GPRC5C: variants seen among roughly 807,000 people sequenced by gnomAD.
GPRC5C encodes G protein-coupled receptor class C group 5 member C.
Under a neutral mutation model 31.4 loss-of-function variants are expected in GPRC5C, and 22 were observed. That is an observed-to-expected ratio of 0.70 (90% CI 0.50 to 1.00). The LOEUF is 1.00. Among genes scored for constraint, GPRC5C ranks in the 50% least tolerant of loss-of-function variants. The pLI is 0.00. For synonymous variants in GPRC5C, 249 were observed against 257.5 expected (o/e 0.97, Z 0.32); for missense variants, 557 against 597.2 (o/e 0.93, Z 0.70).
rs1405524878 is a variant in GPRC5C, at chr17:74,440,425, A to G, written c.649A>G (p.Met217Val). 1.2e-6 allele frequency: 2 copies of G among 1,613,102 alleles called. No homozygotes were observed. The highest frequency in any genetic ancestry group is 2.7e-5 in the African/African-American group (2 of 74,892). ...MDFVMALIYV[M>V]LLLLGAFLGA... The stretch of plus-strand genomic sequence containing the variant: ...CTTTGTCATGGCACTCATCTACGTC[A>G]TGCTGCTGCTGCTGGGTGCCTTCCT... Residue 217 changes from methionine to valine, a missense_variant, in exon 2 of 4, where the codon ATG becomes GTG. Transcript: ENST00000392627. This position sits in a 1 kb window ranked among gnomAD's most constrained non-coding sequence, Gnocchi z 4.4.
At position 74,432,115 on chromosome 17, in the gene GPRC5C, G is replaced by C. The variant is rs918824707; in HGVS notation, c.-59G>C. 13 of 1,613,314 alleles carry C rather than the reference G, an allele frequency of 8.1e-6. No individual in the cohort carries two copies. The highest frequency in any genetic ancestry group is 1.0e-5 in the Non-Finnish European group (12 of 1,179,820). On this transcript the variant is annotated 5_prime_UTR_variant, in exon 1 of 4. Transcript: ENST00000392627. ...AAACTCCCATCTCCCTCACCAGCCG[G>C]AAAGTACGAGTCGGCTCAGCCTGGA... is the stretch of plus-strand genomic sequence containing the variant.
intron 2 of GPRC5C, chr17:74,443,313 G>C (rs2055572344): frequency 3.7e-6 from 1 of 271,118 alleles, no homozygotes; most frequent in Non-Finnish European, 7.2e-6. Context: ...CTCTGGGTTG[G>C]TGTAGTGGGG....
chr17:74,447,004 T>C lies in GPRC5C; in HGVS notation c.1302T>C (p.Phe434=). The C allele has an allele frequency of 6.2e-7, 1 of 1,613,958 alleles. No homozygotes were observed. The highest frequency in any genetic ancestry group is 8.5e-7 in the Non-Finnish European group (1 of 1,179,834). ...PPKDGKNSQV[F]RNPYVWD ...AAGACGGCAAGAACTCTCAGGTCTT[T>C]AGAAACCCCTACGTGTGGGACTGAG... is the stretch of plus-strand genomic sequence containing the variant. Residue 434 remains phenylalanine, a synonymous_variant, in exon 4 of 4, where the codon TTT becomes TTC. Coordinates refer to ENST00000392627, the MANE Select transcript of GPRC5C (RefSeq NM_022036.4).
downstream of GPRC5C, chr17:74,449,206 A>G (rs2144459428): frequency 2.4e-6 from 1 of 419,834 alleles, no homozygotes; most frequent in Non-Finnish European, 4.5e-6. Flanking sequence ...ACTTCTCCCA[A>G]AATTCTCCTT....
At chr17:74,442,815 C>T (rs1210730442) in intron 2 of GPRC5C, among the ~76,000 whole-genome samples, 1 of 152,120 alleles carries the variant, frequency 6.6e-6, no homozygotes, top group Admixed American at 6.5e-5. Flanking sequence ...GCCCCTGTCA[C>T]ACGCACGGTG....
downstream of GPRC5C, among the ~76,000 whole-genome samples, chr17:74,449,070 T>C (rs2055683320): frequency 6.6e-6 from 1 of 151,972 alleles, no homozygotes; most frequent in South Asian, 2.1e-4. Flanking sequence ...CCCCAGCTAG[T>C]CAGAAGCTAT....
intron 2 of GPRC5C, among the ~76,000 whole-genome samples, chr17:74,441,607 G>A (rs2055541213): frequency 6.6e-6 from 1 of 152,192 alleles, no homozygotes; most frequent in South Asian, 2.1e-4. Context: ...AGTGGAGCTT[G>A]AGCCTAGGAG....
chr17:74,447,419 TG>T lies in GPRC5C; in HGVS notation c.*392del. On this transcript the variant is annotated 3_prime_UTR_variant, in exon 4 of 4. Coordinates refer to ENST00000392627, the MANE Select transcript of GPRC5C (RefSeq NM_022036.4). ...CAAGGGTGCCTAATAAATACATTTCTGCTTTATTAACTCTTGCTCTGGGATT... is the reference window on the plus strand; with the variant it reads ...CAAGGGTGCCTAATAAATACATTTCTCTTTATTAACTCTTGCTCTGGGATT... 1 of 933,916 alleles carries T rather than the reference TG, an allele frequency of 1.1e-6. No homozygotes were observed. The highest frequency in any genetic ancestry group is 1.3e-6 in the Non-Finnish European group (1 of 779,980). The allele number at this position is 933,916 out of a possible 1,614,324, so 57.9% of individuals were successfully genotyped here.
intron 1 of GPRC5C, 43 bp downstream of exon 1, chr17:74,432,184 T>C (rs1446056688): frequency 6.3e-7 from 1 of 1,586,212 alleles, no homozygotes; most frequent in Non-Finnish European, 8.6e-7. Flanking sequence ...TGTTCCTGTG[T>C]AAACGGAGCG....
chr17:74,447,187 T>A lies in GPRC5C; in HGVS notation c.*159T>A, dbSNP rs11551713. Reference sequence around the variant, plus strand: ...CTCTCTGCCAGTGTTTGGGTGGGTGTCATGGGTGTCCCCACCCACTCCTCA... The same window carrying A: ...CTCTCTGCCAGTGTTTGGGTGGGTGACATGGGTGTCCCCACCCACTCCTCA... On this transcript the variant is annotated 3_prime_UTR_variant, in exon 4 of 4. Transcript: ENST00000392627. The A allele has an allele frequency of 5.2e-3, 7,397 of 1,411,760 alleles. 237 individuals carry two copies. In the African/African-American group the frequency reaches 0.073, roughly 14 times the overall value. 87.5% of individuals were successfully genotyped at this position (1,411,760 alleles called of 1,614,324 possible).
chr17:74,436,330 C>A (rs1487554613), intron 1 of GPRC5C, among the ~76,000 whole-genome samples: 1 of 152,190 alleles, frequency 6.6e-6, no homozygotes, highest in Non-Finnish European at 1.5e-5. Flanking sequence ...TCACATTCTT[C>A]AGGGCTTAGC....
chr17:74,446,841 C>T lies in GPRC5C; in HGVS notation c.1147-8C>T, dbSNP rs780321547. ...CCCGACTGTGAGACCGCCTGTTCTTCCTTCCAGTCCGAAGGAGCTTACGAC... is the reference window on the plus strand; with the variant it reads ...CCCGACTGTGAGACCGCCTGTTCTTTCTTCCAGTCCGAAGGAGCTTACGAC... On this transcript the variant is annotated splice_polypyrimidine_tract_variant and splice_region_variant and intron_variant, in intron 3 of 3. Coordinates refer to ENST00000392627, the MANE Select transcript of GPRC5C (RefSeq NM_022036.4). The T allele has an allele frequency of 2.5e-6, 4 of 1,599,130 alleles. No homozygotes were observed. Among genetic ancestry groups the T allele is most frequent in the Non-Finnish European group, 2.6e-6 (3 of 1,168,692 alleles).
chr17:74,440,485 C>T lies in GPRC5C; in HGVS notation c.709C>T (p.Arg237Cys), dbSNP rs374321302. ...GCCCGCCCTGTGTGGCCGCTACAAG[C>T]GCTGGCGTAAGCATGGGGTCTTTGT... The part of the protein sequence containing the change: ...AWPALCGRYK[R>C]WRKHGVFVLL... Residue 237 changes from arginine (R) to cysteine (C), a missense_variant, in exon 2 of 4, where the codon CGC becomes TGC. Coordinates refer to ENST00000392627, the MANE Select transcript of GPRC5C (RefSeq NM_022036.4). This position sits in a 1 kb window ranked among gnomAD's most constrained non-coding sequence, Gnocchi z 4.4. 74 of 1,614,028 alleles carry T rather than the reference C, an allele frequency of 4.6e-5. No individual in the cohort carries two copies. Among genetic ancestry groups the T allele is most frequent in the Non-Finnish European group, 5.3e-5 (62 of 1,180,052 alleles).
At chr17:74,435,078 G>T (rs905651719) in intron 1 of GPRC5C, among the ~76,000 whole-genome samples, 3 of 151,916 alleles carry the variant, frequency 2.0e-5, no homozygotes, top group Non-Finnish European at 2.9e-5. Flanking sequence ...AATTAGCCGG[G>T]CGTGGTGGCG....
At position 74,432,097 on chromosome 17, in the gene GPRC5C, C is replaced by T. The variant is rs751063923; in HGVS notation, c.-77C>T. 2.5e-6 allele frequency: 4 copies of T among 1,613,502 alleles called. No individual in the cohort carries two copies. In the South Asian group the frequency reaches 3.3e-5, roughly 13 times the overall value. On this transcript the variant is annotated 5_prime_UTR_variant, in exon 1 of 4. Coordinates refer to ENST00000392627, the MANE Select transcript of GPRC5C (RefSeq NM_022036.4). ...ACACGCCGGCAGGGCCAGAAACTCCCATCTCCCTCACCAGCCGGAAAGTAC... is the reference window on the plus strand; with the variant it reads ...ACACGCCGGCAGGGCCAGAAACTCCTATCTCCCTCACCAGCCGGAAAGTAC...
At chr17:74,445,991 C>CCCGG (rs60818573) in intron 3 of GPRC5C, 1 of 56,202 alleles carries the variant, frequency 1.8e-5, no homozygotes, top group African/African-American at 9.6e-5. Context: ...AGACCCCCCC[C>CCCGG]CCCCGCCCAC....
rs775751813 is a variant in GPRC5C at position 74,440,254 on chromosome 17, G to A, written c.478G>A (p.Ala160Thr). 159 of 1,614,084 alleles carry A rather than the reference G, an allele frequency of 9.9e-5. No individual in the cohort carries two copies. Among genetic ancestry groups the A allele is most frequent in the Non-Finnish European group, 1.3e-4 (151 of 1,180,036 alleles). The change falls in exon 2 of 4, where the codon GCT becomes ACT. Residue 160 changes from alanine to threonine, a missense_variant. Coordinates refer to ENST00000392627, the MANE Select transcript of GPRC5C (RefSeq NM_022036.4). The surrounding 1 kb of genome is among the most constrained non-coding windows in gnomAD (Gnocchi z 4.4). Reference protein sequence around the residue: ...GPRGWVIFTVALLLTLVEVII... With the variant: ...GPRGWVIFTVTLLLTLVEVII... ...CCGGGGCTGGGTGATCTTCACTGTG[G>A]CTCTGCTGCTGACCCTGGTAGAGGT... is the stretch of plus-strand genomic sequence containing the variant.
At chr17:74,443,990 T>C in intron 3 of GPRC5C, 78 bp downstream of exon 3, 1 of 1,010,556 alleles carries the variant, frequency 9.9e-7, no homozygotes, top group Non-Finnish European at 1.5e-6. Context: ...GAGAAGGCCA[T>C]GTGGCCAGAG....
chr17:74,440,197 C>A lies in GPRC5C; in HGVS notation c.421C>A (p.Leu141Ile), dbSNP rs2055506941. 6.2e-7 allele frequency: 1 copy of A among 1,614,100 alleles called. No individual in the cohort carries two copies. Among genetic ancestry groups the A allele is most frequent in the Non-Finnish European group, 8.5e-7 (1 of 1,180,032 alleles). Residue 141 changes from leucine (L) to isoleucine (I), a missense_variant, in exon 2 of 4, where the codon CTC (leucine) becomes ATC (isoleucine). By Grantham distance (5) the Leu-to-Ile change is conservative (BLOSUM62 2). Coordinates refer to ENST00000392627, the MANE Select transcript of GPRC5C (RefSeq NM_022036.4). This position sits in a 1 kb window ranked among gnomAD's most constrained non-coding sequence, Gnocchi z 4.4. ...FSCLAAHVFA[L>I]NFLARKNHGP... is the part of the protein sequence containing the mutation. ...TTGTCTGGCGGCTCACGTCTTTGCC[C>A]TCAACTTCCTGGCCCGGAAGAACCA... is the stretch of plus-strand genomic sequence containing the variant.
Sources: allele counts gnomAD v4.1 joint callset (sites outside exome capture counted in the v4.1 genomes callset), GRCh38; gene constraint gnomAD v4.1.1; non-coding constraint Gnocchi (gnomAD v3.1); transcripts MANE v1.5; gene names NCBI Gene and HGNC (gene_info 2026-07-23, HGNC 2026-07-21).